Variants in GMDS observed in about 807,000 individuals in gnomAD.
GMDS encodes GDP-mannose 4,6-dehydratase.
GMDS carries 20 observed loss-of-function variants against 49.9 expected under a neutral mutation model. The observed-to-expected ratio is 0.40, with a 90% CI of 0.28 to 0.58. The LOEUF (loss-of-function observed/expected upper bound fraction) is 0.58, where lower values mean the gene tolerates loss of function less well. GMDS is among the 20% of genes least tolerant of loss of function. The pLI is 0.42. For synonymous variants in GMDS, 177 were observed against 178.6 expected (o/e 0.99, Z 0.07); for missense variants, 362 against 481.4 (o/e 0.75, Z 2.32).
intron 1 of GMDS, among the ~76,000 whole-genome samples, chr6:2,179,120 C>T (rs181683143): frequency 1.3e-5 from 2 of 152,104 alleles, no homozygotes; most frequent in Admixed American, 6.5e-5. Context: ...ACATGAGCAT[C>T]GTAAACACAG....
Position 2,059,447 on chromosome 6 carries a change from G to A in GMDS, c.345+56324C>T, listed in dbSNP as rs578146741. Among the ~76,000 whole-genome samples, 23 of 151,190 alleles carry A rather than the reference G, an allele frequency of 1.5e-4. No individual in the cohort carries two copies. The South Asian group carries it at 3.6e-3, about 23-fold the overall frequency. On this transcript the variant is annotated intron_variant, in intron 4 of 10. Transcript: ENST00000380815. The stretch of plus-strand genomic sequence containing the variant: ...CTACTGGCCGGGCGCGGTGGCTCAC[G>A]CCTGTAATCCCAGCACTTTGGGAGG...
intron 4 of GMDS, among the ~76,000 whole-genome samples, chr6:2,110,558 A>G (rs1372757290): frequency 1.3e-5 from 2 of 152,104 alleles, no homozygotes; most frequent in Admixed American, 1.3e-4. Context: ...CCTGACTGGC[A>G]TCCCAAGCTT....
chr6:1,755,684 A>G (rs2179547), intron 7 of GMDS, among the ~76,000 whole-genome samples: 149,285 of 152,290 alleles, frequency 0.98, 73,186 homozygotes, highest in East Asian at 1. Flanking sequence ...TTTAATAAAT[A>G]GTGCTGGGAA....
intron 9 of GMDS, among the ~76,000 whole-genome samples, chr6:1,681,251 C>T (rs900897796): frequency 6.6e-6 from 1 of 152,036 alleles, no homozygotes; most frequent in African/African-American, 2.4e-5. Context: ...CAGTGTCCTG[C>T]CACCCTGCCG....
In GMDS at chr6:1,624,033, C is replaced by T; in HGVS notation, c.*136G>A. ...CGGCGGGGCGGCCCCGCTCTTGCGGCCGGGACAGCGCAGCGGCAGCAGGGG... is the reference window on the plus strand; with the variant it reads ...CGGCGGGGCGGCCCCGCTCTTGCGGTCGGGACAGCGCAGCGGCAGCAGGGG... On this transcript the variant is annotated 3_prime_UTR_variant, in exon 11 of 11. Coordinates refer to ENST00000380815, the MANE Select transcript of GMDS (RefSeq NM_001500.4). 1 of 731,640 alleles carries T rather than the reference C, an allele frequency of 1.4e-6. No individual in the cohort carries two copies. Among genetic ancestry groups the T allele is most frequent in the Non-Finnish European group, 2.2e-6 (1 of 448,012 alleles). 45.3% of individuals were successfully genotyped at this position (731,640 alleles called of 1,614,324 possible).
At chr6:2,102,918 C>T (rs1178899744) in intron 4 of GMDS, among the ~76,000 whole-genome samples, 2 of 152,078 alleles carry the variant, frequency 1.3e-5, no homozygotes, top group African/African-American at 2.4e-5. Flanking sequence ...GTTTTCAAAC[C>T]GCCTACACTA....
At chr6:1,991,709 A>G (rs1408711824) in intron 4 of GMDS, among the ~76,000 whole-genome samples, 1 of 152,072 alleles carries the variant, frequency 6.6e-6, no homozygotes, top group Non-Finnish European at 1.5e-5. Flanking sequence ...CTAGTGTGGG[A>G]TTGAACAGTG....
At chr6:1,953,310 T>C (rs186057117) in intron 6 of GMDS, among the ~76,000 whole-genome samples, 246 of 152,072 alleles carry the variant, frequency 1.6e-3, no homozygotes, top group African/African-American at 5.8e-3. Flanking sequence ...AACTGAAAAA[T>C]CACATTTAAA....
intron 4 of GMDS, among the ~76,000 whole-genome samples, chr6:2,109,526 T>A (rs79993999): frequency 6.6e-6 from 1 of 152,188 alleles, no homozygotes; most frequent in Non-Finnish European, 1.5e-5. Flanking sequence ...AAAGGCTAAG[T>A]GCCCTCTTAG....
At chr6:1,998,108 T>C (rs942303296) in intron 4 of GMDS, among the ~76,000 whole-genome samples, 3 of 152,142 alleles carry the variant, frequency 2.0e-5, no homozygotes, top group African/African-American at 7.2e-5. Context: ...AATCTTGATT[T>C]AGAAAATGAT....
chr6:1,920,750 A>C (rs1488514879), intron 7 of GMDS, among the ~76,000 whole-genome samples: 1 of 152,220 alleles, frequency 6.6e-6, no homozygotes, highest in African/African-American at 2.4e-5. Context: ...ACGTCAGTGA[A>C]AGAAGAGACA....
At chr6:1,757,778 T>G (rs6935246) in intron 7 of GMDS, among the ~76,000 whole-genome samples, 62,314 of 152,056 alleles carry the variant, frequency 0.41, 13,441 homozygotes, top group East Asian at 0.59. Context: ...AGGATTATTC[T>G]AAAACAGCAC....
intron 9 of GMDS, among the ~76,000 whole-genome samples, chr6:1,696,510 T>G (rs1004171768): frequency 1.3e-5 from 2 of 152,228 alleles, no homozygotes; most frequent in African/African-American, 4.8e-5. Context: ...TCTTTTGGAA[T>G]AACAGAAGGT....
chr6:1,812,762 G>C (rs1770492281), intron 7 of GMDS, among the ~76,000 whole-genome samples: 2 of 152,200 alleles, frequency 1.3e-5, no homozygotes, highest in African/African-American at 4.8e-5. Flanking sequence ...TCATTGAAGA[G>C]GAGGTAGATG....
chr6:2,153,599 T>C (rs1047255554), intron 1 of GMDS, among the ~76,000 whole-genome samples: 1 of 152,090 alleles, frequency 6.6e-6, no homozygotes, highest in African/African-American at 2.4e-5. Flanking sequence ...GCAAAGATAC[T>C]GATCCCTACT....
At chr6:1,810,762 T>A (rs927877399) in intron 7 of GMDS, among the ~76,000 whole-genome samples, 2 of 152,178 alleles carry the variant, frequency 1.3e-5, no homozygotes, top group African/African-American at 2.4e-5. Context: ...AGCAGGCCAA[T>A]GGCGAGATCA....
intron 6 of GMDS, among the ~76,000 whole-genome samples, chr6:1,959,441 G>A (rs1036246983): frequency 1.3e-5 from 2 of 152,084 alleles, no homozygotes; most frequent in Non-Finnish European, 2.9e-5. Context: ...GAAATGTAAA[G>A]AAAGAATACC....
intron 4 of GMDS, among the ~76,000 whole-genome samples, chr6:1,995,234 TG>T (rs1766205242): frequency 1.3e-5 from 2 of 152,052 alleles, no homozygotes; most frequent in African/African-American, 2.4e-5. Flanking sequence ...TCGTTTACAG[TG>T]GGGTACAAGG....
At chr6:1,928,273 G>A (rs915084780) in intron 7 of GMDS, among the ~76,000 whole-genome samples, 2 of 151,934 alleles carry the variant, frequency 1.3e-5, no homozygotes, top group African/African-American at 2.4e-5. Flanking sequence ...TCTGAGGCAG[G>A]AGAATCGCTT....
Sources: gnomAD v4.1 joint callset for allele counts (sites outside exome capture counted in the v4.1 genomes callset) on GRCh38, gnomAD v4.1.1 for gene constraint, MANE v1.5 for transcripts, NCBI Gene and HGNC (gene_info 2026-07-23, HGNC 2026-07-21) for gene names.